ERO1B: variants seen among roughly 807,000 people sequenced by gnomAD.
The protein encoded by ERO1B is endoplasmic reticulum oxidoreductase 1 beta.
ERO1B carries 49 observed loss-of-function variants against 75.3 expected under a neutral mutation model. The ratio of observed to expected loss-of-function variants is 0.65; its 90% CI spans 0.52 to 0.83. The LOEUF (loss-of-function observed/expected upper bound fraction) is 0.83, where lower values mean the gene tolerates loss of function less well. ERO1B is among the 40% of genes least tolerant of loss of function. The probability of loss-of-function intolerance (pLI) is 0.00; values close to 1 mark genes in which losing one functional copy is unlikely to be tolerated. For missense variants in ERO1B, 512 were observed against 560.1 expected (o/e 0.91, Z 0.87); for synonymous variants, 191 against 192.9 (o/e 0.99, Z 0.08).
At chr1:236,246,992 G>A (rs565819408) in intron 5 of ERO1B, among the ~76,000 whole-genome samples, 1 of 152,166 alleles carries the variant, frequency 6.6e-6, no homozygotes, top group Admixed American at 6.5e-5. Context: ...ATTATATAAA[G>A]AATGCTTACA....
intron 1 of ERO1B, among the ~76,000 whole-genome samples, chr1:236,279,638 G>A (rs115390265): frequency 0.016 from 2,473 of 149,888 alleles, 24 homozygotes; most frequent in Middle Eastern, 0.039. Context: ...AGACCAGCTC[G>A]GCCAACATGG....
intron 2 of ERO1B, among the ~76,000 whole-genome samples, chr1:236,261,349 A>G (rs1272460543): frequency 6.6e-6 from 1 of 152,232 alleles, no homozygotes; most frequent in Non-Finnish European, 1.5e-5. Context: ...CTATATAGAA[A>G]AAGAAATGAG....
chr1:236,270,289 A>C (rs1435993960), intron 1 of ERO1B, among the ~76,000 whole-genome samples: 1 of 152,194 alleles, frequency 6.6e-6, no homozygotes, highest in East Asian at 1.9e-4. Context: ...ATACCAAAGC[A>C]ATATCTTCCC....
chr1:236,251,983 T>G, intron 4 of ERO1B, 67 bp downstream of exon 4: 1 of 1,172,320 alleles, frequency 8.5e-7, no homozygotes, highest in Non-Finnish European at 1.2e-6. Context: ...CTACAGCCAC[T>G]GTCAGTCAGT....
chr1:236,241,422 C>T (rs931177650), intron 6 of ERO1B, among the ~76,000 whole-genome samples: 5 of 152,112 alleles, frequency 3.3e-5, no homozygotes, highest in Non-Finnish European at 5.9e-5. Context: ...GTGGTGCATG[C>T]CTGTAATCCC....
chr1:236,252,185 C>G (rs576837982), intron 3 of ERO1B, 94 bp from the exon 4 acceptor site: 89 of 786,440 alleles, frequency 1.1e-4, no homozygotes, highest in Admixed American at 2.5e-4. Context: ...TCTATTTCAT[C>G]AAGCATTTTA....
At chr1:236,249,421 A>G (rs1010971254) in intron 5 of ERO1B, among the ~76,000 whole-genome samples, 3 of 152,212 alleles carry the variant, frequency 2.0e-5, no homozygotes, top group African/African-American at 7.2e-5. Flanking sequence ...ATACTACACA[A>G]TTTGAGGCCA....
intron 2 of ERO1B, among the ~76,000 whole-genome samples, chr1:236,268,834 C>G (rs575203392): frequency 2.7e-5 from 4 of 150,680 alleles, no homozygotes; most frequent in South Asian, 4.2e-4. Context: ...TGCAGTGAGC[C>G]GAGATCGCGC....
At chr1:236,246,316 A>G (rs1664885686) in intron 5 of ERO1B, among the ~76,000 whole-genome samples, 1 of 152,026 alleles carries the variant, frequency 6.6e-6, no homozygotes, top group Non-Finnish European at 1.5e-5. Flanking sequence ...CTATAGGCTC[A>G]TGCCACTGCA....
intron 2 of ERO1B, among the ~76,000 whole-genome samples, chr1:236,268,751 TGGCA>T (rs1665522875): frequency 6.6e-6 from 1 of 151,918 alleles, no homozygotes; most frequent in African/African-American, 2.4e-5. Flanking sequence ...CCGTGCGTGG[TGGCA>T]GGTGCCTGTA....
At chr1:236,239,632 GTCAT>G (rs1176763240) in intron 6 of ERO1B, among the ~76,000 whole-genome samples, 1 of 151,280 alleles carries the variant, frequency 6.6e-6, no homozygotes, top group African/African-American at 2.4e-5. Flanking sequence ...GCACAGCTGC[GTCAT>G]TCATTCAGAT....
intron 2 of ERO1B, among the ~76,000 whole-genome samples, chr1:236,255,809 T>C (rs892555494): frequency 1.4e-4 from 22 of 152,210 alleles, no homozygotes; most frequent in Admixed American, 2.6e-4. Flanking sequence ...TATACCCACC[T>C]GCTTCCTGGA....
At chr1:236,280,754 A>G (rs555017242) in intron 1 of ERO1B, among the ~76,000 whole-genome samples, 1 of 152,312 alleles carries the variant, frequency 6.6e-6, no homozygotes, top group African/African-American at 2.4e-5. Context: ...AATTGCTTCA[A>G]ATGACATCTC....
chr1:236,272,416 T>C (rs570108873), intron 1 of ERO1B, among the ~76,000 whole-genome samples: 61 of 152,120 alleles, frequency 4.0e-4, no homozygotes, highest in Non-Finnish European at 7.8e-4. Flanking sequence ...TGCAGCAACA[T>C]GGATGCAGCT....
At chr1:236,239,825 G>GTATATA (rs1344485863) in intron 6 of ERO1B, among the ~76,000 whole-genome samples, 5 of 50,820 alleles carry the variant, frequency 9.8e-5, no homozygotes, top group East Asian at 6.4e-4. Flanking sequence ...ATATATATGT[G>GTATATA]TATATATATG....
In ERO1B at chr1:236,277,081, C is replaced by G. The variant is rs1035166130; in HGVS notation, c.102+4601G>C. Among the ~76,000 whole-genome samples the G allele has an allele frequency of 9.2e-5, 14 of 152,282 alleles. 1 individual carries two copies. The highest frequency in any genetic ancestry group is 2.6e-4 in the African/African-American group (11 of 41,562). On this transcript the variant is annotated intron_variant, in intron 1 of 15. Transcript: ENST00000354619. Reference sequence around the variant, plus strand: ...AAATCTCTTTTCTTTAAAAATTACCCAGTCTCAGGCAGTTCTTTACAGCAA... The same window carrying G: ...AAATCTCTTTTCTTTAAAAATTACCGAGTCTCAGGCAGTTCTTTACAGCAA...
At chr1:236,247,296 A>G (rs1009802551) in intron 5 of ERO1B, among the ~76,000 whole-genome samples, 4 of 152,206 alleles carry the variant, frequency 2.6e-5, no homozygotes, top group African/African-American at 9.6e-5. Flanking sequence ...AAATTTGACT[A>G]TAACTTTGTC....
At chr1:236,221,704 C>A in intron 14 of ERO1B, 1 of 470,694 alleles carries the variant, frequency 2.1e-6, no homozygotes, top group Non-Finnish European at 3.7e-6. Context: ...AACATAGACA[C>A]AATAAAACTA....
Position 236,226,135 on chromosome 1 carries a change from C to CT in ERO1B, c.1052+133dup. The CT allele has an allele frequency of 1.5e-5, 12 of 827,144 alleles. No individual in the cohort carries two copies. The South Asian group carries it at 2.2e-4, about 15-fold the overall frequency. The allele number at this position is 827,144 out of a possible 1,614,324, so 51.2% of individuals were successfully genotyped here. On this transcript the variant is annotated intron_variant, in intron 12 of 15. Coordinates refer to ENST00000354619, the MANE Select transcript of ERO1B (RefSeq NM_019891.4). ...AGAAATATTTTTAAATTCTGTTGTTCTATTGATCACTTTCCTTTTCTGTTC... is the reference window on the plus strand; with the variant it reads ...AGAAATATTTTTAAATTCTGTTGTTCTTATTGATCACTTTCCTTTTCTGTTC...
Sources: gnomAD v4.1 joint callset for allele counts (sites outside exome capture counted in the v4.1 genomes callset) on GRCh38, gnomAD v4.1.1 for gene constraint, MANE v1.5 for transcripts, NCBI Gene and HGNC (gene_info 2026-07-23, HGNC 2026-07-21) for gene names.